Variants in WDR72 observed in about 807,000 individuals in gnomAD.
WDR72 encodes WD repeat-containing protein 72.
WDR72 carries 120 observed loss-of-function variants against 124.2 expected under a neutral mutation model. The observed-to-expected ratio is 0.97, with a 90% CI of 0.83 to 1.12. The LOEUF is 1.12. WDR72 is among the 50% of genes most tolerant of loss of function. WDR72 has a pLI of 0.00. For missense variants in WDR72, 1,387 were observed against 1,278.8 expected (o/e 1.08, Z -1.29); for synonymous variants, 452 against 441.7 (o/e 1.02, Z -0.29).
chr15:53,599,933 AAGG>A (rs1202326055), intron 17 of WDR72, among the ~76,000 whole-genome samples: 2 of 152,182 alleles, frequency 1.3e-5, no homozygotes, highest in African/African-American at 4.8e-5. Context: ...CATCAAAAAC[AAGG>A]AGAACAGAAA....
chr15:53,646,757 C>A (rs1018389580), intron 14 of WDR72, among the ~76,000 whole-genome samples: 4 of 151,696 alleles, frequency 2.6e-5, no homozygotes, highest in African/African-American at 9.7e-5. Context: ...TCTCTAGGAA[C>A]TGAAATACTG....
intron 14 of WDR72, among the ~76,000 whole-genome samples, chr15:53,655,804 T>G (rs1003491015): frequency 5.9e-5 from 9 of 152,140 alleles, no homozygotes; most frequent in Non-Finnish European, 1.2e-4. Flanking sequence ...GCAATTCTCC[T>G]GCTTCAGCCT....
intron 11 of WDR72, among the ~76,000 whole-genome samples, chr15:53,702,902 AT>A (rs34689229): frequency 0.42 from 60,130 of 143,496 alleles, 12,300 homozygotes; most frequent in East Asian, 0.65. Flanking sequence ...ATTTTCATTC[AT>A]TTTTTTTTTT....
At chr15:53,697,881 T>G (rs2017051538) in intron 13 of WDR72, among the ~76,000 whole-genome samples, 1 of 152,114 alleles carries the variant, frequency 6.6e-6, no homozygotes, top group Admixed American at 6.5e-5. Context: ...CGATCTCCGC[T>G]CACTGCAAGC....
At chr15:53,716,582 C>T (rs746034948) in intron 4 of WDR72, 25 bp downstream of exon 4, 1 of 1,482,470 alleles carries the variant, frequency 6.7e-7, no homozygotes, top group South Asian at 1.1e-5. Context: ...TCTAGAAATG[C>T]CCTGAAGGAA....
intron 14 of WDR72, among the ~76,000 whole-genome samples, chr15:53,659,130 T>A (rs979393785): frequency 6.6e-6 from 1 of 152,142 alleles, no homozygotes; most frequent in African/African-American, 2.4e-5. Flanking sequence ...CTAAGGCCAA[T>A]ATAAAAGTTT....
chr15:53,593,125 C>A (rs911224360), intron 18 of WDR72, among the ~76,000 whole-genome samples: 2 of 152,082 alleles, frequency 1.3e-5, no homozygotes, highest in African/African-American at 4.8e-5. Flanking sequence ...CACATCCCTA[C>A]AAATAGTTCC....
chr15:53,653,704 C>T (rs1444261746), intron 14 of WDR72, among the ~76,000 whole-genome samples: 1 of 152,030 alleles, frequency 6.6e-6, no homozygotes, highest in South Asian at 2.1e-4. Context: ...CTTGTGGAAG[C>T]TGAAAATAAT....
chr15:53,612,803 TG>T (rs2013600555), intron 16 of WDR72, among the ~76,000 whole-genome samples: 1 of 151,694 alleles, frequency 6.6e-6, no homozygotes, highest in Non-Finnish European at 1.5e-5. Flanking sequence ...GCTGCTTGGG[TG>T]GGAACAGAGT....
Position 53,517,742 on chromosome 15 carries a change from T to C in WDR72, c.3266A>G (p.His1089Arg). The change falls in exon 20 of 20, where the codon CAT becomes CGT. Residue 1089 changes from histidine to arginine, a missense_variant. His to Arg is a conservative substitution (Grantham distance 29, BLOSUM62 0). Coordinates refer to ENST00000360509, the MANE Select transcript of WDR72 (RefSeq NM_182758.4). ...GCAGACCTTTGCTATCCATGAATGATGCCTTGGCTCACCTAGGAAAAAAGC... is the reference window on the plus strand; with the variant it reads ...GCAGACCTTTGCTATCCATGAATGACGCCTTGGCTCACCTAGGAAAAAAGC... ...EESESPGEPR[H>R]HSWIAKVCPC... The C allele has an allele frequency of 6.2e-7, 1 of 1,612,942 alleles. No individual in the cohort carries two copies. Among genetic ancestry groups the C allele is most frequent in the Non-Finnish European group, 8.5e-7 (1 of 1,179,218 alleles).
chr15:53,637,624 T>C (rs1487712140), intron 14 of WDR72, among the ~76,000 whole-genome samples: 2 of 152,190 alleles, frequency 1.3e-5, no homozygotes, highest in Non-Finnish European at 2.9e-5. Flanking sequence ...CTCTGACTGA[T>C]GCCCTGCATG....
intron 7 of WDR72, among the ~76,000 whole-genome samples, chr15:53,711,945 T>A (rs2017551462): frequency 6.6e-6 from 1 of 152,090 alleles, no homozygotes; most frequent in African/African-American, 2.4e-5. Context: ...TAAAGAAAAA[T>A]AAATGTTATG....
intron 13 of WDR72, chr15:53,684,314 G>T: frequency 6.4e-6 from 1 of 156,104 alleles, no homozygotes; most frequent in Non-Finnish European, 1.4e-5. Context: ...CATCTCACTA[G>T]GGAGTGCCAG....
rs551444246 is a variant in WDR72, at chr15:53,657,735, T to C, written c.1962+7837A>G. ...CTGAAAAATCTTACTTTAGAAATAA[T>C]GGAAGAGAGAACATTTTTTGAAACC... On this transcript the variant is annotated intron_variant, in intron 14 of 19. Transcript: ENST00000360509. Among the ~76,000 whole-genome samples the C allele has an allele frequency of 9.2e-5, 14 of 152,264 alleles. No homozygotes were observed. The South Asian group carries it at 1.7e-3, about 18-fold the overall frequency.
intron 1 of WDR72, among the ~76,000 whole-genome samples, chr15:53,743,584 C>T (rs7177483): frequency 0.38 from 57,806 of 151,960 alleles, 11,177 homozygotes; most frequent in Middle Eastern, 0.46. Flanking sequence ...AATATTTTTA[C>T]TTTCTAGAAA....
chr15:53,711,335 C>T lies in WDR72; in HGVS notation c.857+1G>A, dbSNP rs1209567675. On this transcript the variant is annotated splice_donor_variant, in intron 8 of 19. Transcript: ENST00000360509. LOFTEE classifies it high-confidence loss of function. Reference sequence around the variant, plus strand: ...TGTATGCCGCTCCCATCTGAGCCCACCTGTTCAGCAGCTGATAGATGTAAC... The same window carrying T: ...TGTATGCCGCTCCCATCTGAGCCCATCTGTTCAGCAGCTGATAGATGTAAC... 6.2e-7 allele frequency: 1 copy of T among 1,614,044 alleles called. No homozygotes were observed. The highest frequency in any genetic ancestry group is 8.5e-7 in the Non-Finnish European group (1 of 1,180,056).
At chr15:53,705,862 G>T (rs761468148) in intron 10 of WDR72, 65 bp downstream of exon 10, 147 of 1,593,128 alleles carry the variant, frequency 9.2e-5, no homozygotes, top group Non-Finnish European at 1.2e-4. Flanking sequence ...CAACTTAGAA[G>T]AACAATGAAT....
At chr15:53,652,904 T>A (rs2015291424) in intron 14 of WDR72, among the ~76,000 whole-genome samples, 1 of 152,184 alleles carries the variant, frequency 6.6e-6, no homozygotes, top group Non-Finnish European at 1.5e-5. Flanking sequence ...TTATCACCAC[T>A]ATTTAATACA....
At chr15:53,558,133 A>G (rs78702889) in intron 18 of WDR72, among the ~76,000 whole-genome samples, 1,818 of 152,122 alleles carry the variant, frequency 0.012, 41 homozygotes, top group African/African-American at 0.042. Flanking sequence ...CTTCTACTAT[A>G]AATGTGTCCT....
Sources: allele counts gnomAD v4.1 joint callset (sites outside exome capture counted in the v4.1 genomes callset), GRCh38; gene constraint gnomAD v4.1.1; transcripts MANE v1.5; gene names NCBI Gene and HGNC (gene_info 2026-07-23, HGNC 2026-07-21).